RPS7: variants seen among roughly 807,000 people sequenced by gnomAD.
RPS7 encodes ribosomal protein S7, also known as small ribosomal subunit protein eS7.
A neutral mutation model predicts 22.1 loss-of-function variants in RPS7; 1 was observed. The observed-to-expected ratio is 0.05, with a 90% CI of 0.02 to 0.21. RPS7 has a LOEUF of 0.21. Ranked by LOEUF, RPS7 falls within the 10% of genes least tolerant of loss-of-function variation. The probability of loss-of-function intolerance (pLI) is 1.00; values close to 1 mark genes in which losing one functional copy is unlikely to be tolerated. For missense variants in RPS7, 137 were observed against 246.4 expected, an observed-to-expected ratio of 0.56 and a Z score of 2.97; for synonymous variants, 80 against 92.0, an observed-to-expected ratio of 0.87 and a Z score of 0.74.
intron 5 of RPS7, chr2:3,579,648 T>A: frequency 5.2e-6 from 1 of 191,904 alleles, no homozygotes; most frequent in Admixed American, 5.3e-5. Context: ...CCACTGGCAG[T>A]TCTGTGATGC....
In RPS7 at chr2:3,575,897, G is replaced by T. The variant is rs764050134; in HGVS notation, c.147+9G>T. 15 of 1,595,924 alleles carry T rather than the reference G, an allele frequency of 9.4e-6. No homozygotes were observed. The South Asian group carries it at 1.7e-4, about 18-fold the overall frequency. On this transcript the variant is annotated intron_variant, in intron 3 of 6. Transcript: ENST00000645674. ...ATATTACGGCAGCTAAGGTAAGCTG[G>T]CGCTCCCTCGGCTGGGAGGGAGGTT...
In RPS7 at chr2:3,575,370, T is replaced by C; in HGVS notation, c.-19+20T>C. 2 of 556,978 alleles carry C rather than the reference T, an allele frequency of 3.6e-6. No individual in the cohort carries two copies. The highest frequency in any genetic ancestry group is 6.3e-6 in the Non-Finnish European group (2 of 315,794). The allele number at this position is 556,978 out of a possible 1,614,324, so 34.5% of individuals were successfully genotyped here. A position where few individuals can be genotyped will look rare whatever the true frequency, so the allele number is the denominator to read the frequency against. On this transcript the variant is annotated intron_variant, in intron 1 of 6. Coordinates refer to ENST00000645674, the MANE Select transcript of RPS7 (RefSeq NM_001011.4). ...GGCAAGGTAGGTTGGCGGCCTGCTCTCCGACAGAACTTTTCTTCTTGGGTT... is the reference window on the plus strand; with the variant it reads ...GGCAAGGTAGGTTGGCGGCCTGCTCCCCGACAGAACTTTTCTTCTTGGGTT...
rs767499870 is a variant in RPS7, at chr2:3,575,914, AG to A, written c.147+29del. ...GTAAGCTGGCGCTCCCTCGGCTGGG[AG>A]GGAGGTTGCGGCGCGTCTCCCCGCG... On this transcript the variant is annotated intron_variant, in intron 3 of 6. Coordinates refer to ENST00000645674, the MANE Select transcript of RPS7 (RefSeq NM_001011.4). 1.9e-4 allele frequency: 298 copies of A among 1,560,198 alleles called. 6 individuals are homozygous for A. In the East Asian group the frequency reaches 6.8e-3, roughly 36 times the overall value.
chr2:3,575,986 G>T, intron 3 of RPS7, 98 bp downstream of exon 3: 1 of 848,612 alleles, frequency 1.2e-6, no homozygotes, highest in South Asian at 1.4e-5. Flanking sequence ...ATGATGACTT[G>T]CCGCCTGGCC....
At chr2:3,575,713 G>C (rs759880053) in intron 2 of RPS7, 29 bp downstream of exon 2, 11 of 1,601,696 alleles carry the variant, frequency 6.9e-6, no homozygotes, top group African/African-American at 4.0e-5. Flanking sequence ...GGTCTGGGGT[G>C]GGGGGAGGCG....
intron 5 of RPS7, 93 bp downstream of exon 5, chr2:3,577,867 A>T (rs1344601691): frequency 1.1e-6 from 1 of 899,954 alleles, no homozygotes; most frequent in Non-Finnish European, 1.8e-6. Flanking sequence ...CAGATGTTCA[A>T]GTGGGAATTT....
In RPS7 at chr2:3,575,950, A is replaced by G. The variant is rs3087873; in HGVS notation, c.147+62A>G. 0.78 allele frequency: 942,351 copies of G among 1,206,652 alleles called. 370,447 individuals carry two copies. The highest frequency in any genetic ancestry group is 0.99 in the East Asian group (40,001 of 40,216). 74.7% of individuals were successfully genotyped at this position (1,206,652 alleles called of 1,614,324 possible). The stretch of plus-strand genomic sequence containing the variant: ...GGCGCGTCTCCCCGCGCAGTGCCTG[A>G]GAGGGTTGGACCTGGGTTACGGTTG... On this transcript the variant is annotated intron_variant, in intron 3 of 6. Coordinates refer to ENST00000645674, the MANE Select transcript of RPS7 (RefSeq NM_001011.4).
At position 3,575,888 on chromosome 2, in the gene RPS7, G is replaced by A. The variant is rs775527714; in HGVS notation, c.147G>A (p.Lys49=). The A allele has an allele frequency of 6.9e-6, 11 of 1,603,800 alleles. No homozygotes were observed. Among genetic ancestry groups the A allele is most frequent in the South Asian group, 1.1e-5 (1 of 90,374 alleles). Residue 49 remains lysine, a splice_region_variant and synonymous_variant, in exon 3 of 7, where the codon AAG becomes AAA. Coordinates refer to ENST00000645674, the MANE Select transcript of RPS7 (RefSeq NM_001011.4). The part of the protein sequence containing the change: ...QLRELNITAA[K]EIEVGGGRKA... ...GGGAGCTGAATATTACGGCAGCTAA[G>A]GTAAGCTGGCGCTCCCTCGGCTGGG...
At chr2:3,576,224 C>G in intron 3 of RPS7, 1 of 596,110 alleles carries the variant, frequency 1.7e-6, no homozygotes. Context: ...TACCCTTAGC[C>G]CGGAGTTGCC....
At chr2:3,579,197 A>T (rs1456926259) in intron 5 of RPS7, 1 of 152,210 alleles carries the variant, frequency 6.6e-6, no homozygotes, top group African/African-American at 2.4e-5. Flanking sequence ...CTAGTATTGT[A>T]AGAATATGCT....
At chr2:3,580,495 T>A in intron 6 of RPS7, 2 of 645,300 alleles carry the variant, frequency 3.1e-6, no homozygotes, top group Non-Finnish European at 5.6e-6. Context: ...CTTTCTGTGG[T>A]CTTTTAGTTA....
In RPS7 at chr2:3,575,573, C is replaced by T. The variant is rs1248543293; in HGVS notation, c.-18-19C>T. The T allele has an allele frequency of 2.7e-5, 43 of 1,587,618 alleles. No individual in the cohort carries two copies. The East Asian group carries it at 4.7e-4, about 17-fold the overall frequency. On this transcript the variant is annotated intron_variant, in intron 1 of 6. Transcript: ENST00000645674. ...CGCCTGCAGCCCGGGCCGCGTAACG[C>T]TGACCGCTGTGCCTTCAGTTCTCCC... is the stretch of plus-strand genomic sequence containing the variant.
chr2:3,577,228 CG>C (rs1425880158), intron 4 of RPS7: 2 of 175,362 alleles, frequency 1.1e-5, no homozygotes, highest in African/African-American at 4.8e-5. Context: ...CCCAGCTACT[CG>C]GGAGGCTGAG....
chr2:3,576,163 T>A lies in RPS7; in HGVS notation c.147+275T>A, dbSNP rs187956274. The A allele has an allele frequency of 1.9e-3, 1,145 of 592,706 alleles. 13 individuals carry two copies. The highest frequency in any genetic ancestry group is 5.7e-4 in the Non-Finnish European group (190 of 333,138). 36.7% of individuals were successfully genotyped at this position (592,706 alleles called of 1,614,324 possible). A position where few individuals can be genotyped will look rare whatever the true frequency, so the allele number is the denominator to read the frequency against. ...ATTTCGGACCTTATTTGCCCTTACT[T>A]AGTTATAGATACGGCAAAGAGCTGT... On this transcript the variant is annotated intron_variant, in intron 3 of 6. Coordinates refer to ENST00000645674, the MANE Select transcript of RPS7 (RefSeq NM_001011.4).
chr2:3,575,318 T>G lies in RPS7; in HGVS notation c.-51T>G. 5.7e-5 allele frequency: 27 copies of G among 470,894 alleles called. No homozygotes were observed. Among genetic ancestry groups the G allele is most frequent in the East Asian group, 1.2e-4 (3 of 24,898 alleles). 29.2% of individuals were successfully genotyped at this position (470,894 alleles called of 1,614,324 possible). ...CGGATTTTGACGTGCTCTCGCGAGA[T>G]TTGGGTCTCTTCCTAAGCCGGCGCT... is the stretch of plus-strand genomic sequence containing the variant. On this transcript the variant is annotated 5_prime_UTR_variant, in exon 1 of 7. Transcript: ENST00000645674.
chr2:3,576,390 T>C (rs1661280502), intron 3 of RPS7, 97 bp from the exon 4 acceptor site: 10 of 1,025,938 alleles, frequency 9.7e-6, no homozygotes, highest in Non-Finnish European at 1.4e-5. Flanking sequence ...GTAGTGCAGC[T>C]ACGGTGTTAG....
At position 3,575,655 on chromosome 2, in the gene RPS7, C is replaced by G. The variant is rs776043183; in HGVS notation, c.46C>G (p.Pro16Ala). ...GATCGTGAAGCCCAATGGCGAGAAG[C>G]CGGACGAGTTCGAGTCCGGCATCTC... is the stretch of plus-strand genomic sequence containing the variant. ...AKIVKPNGEKPDEFESGISQA... is the reference protein window; with the variant it reads ...AKIVKPNGEKADEFESGISQA... Residue 16 changes from proline to alanine, a missense_variant, in exon 2 of 7, where the codon CCG (proline) becomes GCG (alanine). Pro to Ala is a conservative substitution (Grantham distance 27). Coordinates refer to ENST00000645674, the MANE Select transcript of RPS7 (RefSeq NM_001011.4). The G allele has an allele frequency of 1.2e-6, 2 of 1,611,704 alleles. No individual in the cohort carries two copies. The highest frequency in any genetic ancestry group is 3.3e-5 in the Admixed American group (2 of 60,026).
chr2:3,578,903 A>T (rs1382246961), intron 5 of RPS7: 1 of 152,228 alleles, frequency 6.6e-6, no homozygotes. Context: ...CCTAGTCTGT[A>T]CATTGAAAGC....
chr2:3,576,689 A>G (rs566700605), intron 4 of RPS7, 59 bp downstream of exon 4: 5 of 1,556,712 alleles, frequency 3.2e-6, no homozygotes, highest in Admixed American at 1.7e-5. Context: ...AATTGCTTGT[A>G]TTTAGACTGC....
Sources: gnomAD v4.1 joint callset for allele counts on GRCh38, gnomAD v4.1.1 for gene constraint, MANE v1.5 for transcripts, NCBI Gene and HGNC (gene_info 2026-07-23, HGNC 2026-07-21) for gene names.